The following DCC variants were observed in gnomAD, a reference collection of about 807,000 sequenced individuals.
The protein encoded by DCC is netrin receptor DCC.
Under a neutral mutation model 172.5 loss-of-function variants are expected in DCC, and 58 were observed. The observed-to-expected ratio is 0.34, with a 90% CI of 0.27 to 0.42. The LOEUF is 0.42. Ranked by LOEUF, DCC falls within the 10% of genes least tolerant of loss-of-function variation. The pLI is 1.00. For missense variants in DCC, 1,740 were observed against 1,791.0 expected (o/e 0.97, Z 0.51); for synonymous variants, 709 against 644.5 (o/e 1.10, Z -1.52).
chr18:53,245,708 A>T (rs949074190), intron 12 of DCC, among the ~76,000 whole-genome samples: 3 of 152,118 alleles, frequency 2.0e-5, no homozygotes, highest in African/African-American at 7.2e-5. Context: ...TTTAATAGCA[A>T]AAGATTTAAC....
intron 7 of DCC, among the ~76,000 whole-genome samples, chr18:53,092,470 A>G (rs1381845765): frequency 6.6e-6 from 1 of 152,196 alleles, no homozygotes; most frequent in East Asian, 1.9e-4. Context: ...GCACTCCATC[A>G]TTTATTAAAG....
chr18:52,518,409 T>G (rs2031706309), intron 1 of DCC, among the ~76,000 whole-genome samples: 1 of 152,134 alleles, frequency 6.6e-6, no homozygotes, highest in African/African-American at 2.4e-5. Flanking sequence ...AAGAGAAATA[T>G]AAAAAGGCAT....
chr18:52,588,629 G>A (rs1323716153), intron 1 of DCC, among the ~76,000 whole-genome samples: 1 of 152,148 alleles, frequency 6.6e-6, no homozygotes, highest in Non-Finnish European at 1.5e-5. Flanking sequence ...ACTTTTCTGA[G>A]GGTCAAGGAA....
chr18:53,069,691 A>C (rs563448905), intron 7 of DCC, among the ~76,000 whole-genome samples: 1 of 152,156 alleles, frequency 6.6e-6, no homozygotes, highest in East Asian at 1.9e-4. Flanking sequence ...AGCTGAGAAA[A>C]ACAGTCTTTG....
chr18:53,298,896 G>C (rs2057100443), intron 12 of DCC, among the ~76,000 whole-genome samples: 1 of 152,118 alleles, frequency 6.6e-6, no homozygotes, highest in African/African-American at 2.4e-5. Context: ...AGGAACATTA[G>C]ACCCCACAGT....
At chr18:53,330,555 G>C (rs2057519384) in intron 14 of DCC, among the ~76,000 whole-genome samples, 1 of 152,100 alleles carries the variant, frequency 6.6e-6, no homozygotes, top group Admixed American at 6.6e-5. Flanking sequence ...AGTGTTGTCA[G>C]AGTGATTTTT....
At chr18:53,342,354 T>C (rs1250075357) in intron 15 of DCC, among the ~76,000 whole-genome samples, 1 of 151,994 alleles carries the variant, frequency 6.6e-6, no homozygotes, top group Non-Finnish European at 1.5e-5. Flanking sequence ...ATTTTACTCC[T>C]TTTAGTTCAA....
In DCC at chr18:52,609,891, G is replaced by A. The variant is rs570848631; in HGVS notation, c.92-142163G>A. 4.4e-3 allele frequency among the ~76,000 whole-genome samples: 662 copies of A among 151,978 alleles called. 5 individuals are homozygous for A. Among genetic ancestry groups the A allele is most frequent in the Non-Finnish European group, 7.4e-3 (501 of 67,964 alleles). ...TTCATGGTATGTTGATGATATCACT[G>A]TATAAGGTAGGAGTGACAGCCTTAT... On this transcript the variant is annotated intron_variant, in intron 1 of 28. Transcript: ENST00000442544.
chr18:52,518,518 G>T (rs558309739), intron 1 of DCC, among the ~76,000 whole-genome samples: 1 of 152,316 alleles, frequency 6.6e-6, no homozygotes, highest in African/African-American at 2.4e-5. Context: ...CAATTTACAG[G>T]AAGGTAGTCA....
intron 1 of DCC, among the ~76,000 whole-genome samples, chr18:52,426,648 G>A (rs1987437338): frequency 6.9e-6 from 1 of 144,056 alleles, no homozygotes; most frequent in Non-Finnish European, 1.5e-5. Flanking sequence ...GTTCTGAGAA[G>A]AGAATTAATT....
At chr18:52,900,776 T>C (rs369625286) in intron 2 of DCC, among the ~76,000 whole-genome samples, 4 of 152,210 alleles carry the variant, frequency 2.6e-5, no homozygotes, top group African/African-American at 9.6e-5. Context: ...GGTGTTCCTG[T>C]ATTTAAAGCT....
intron 1 of DCC, among the ~76,000 whole-genome samples, chr18:52,347,101 T>A (rs1983912078): frequency 6.6e-6 from 1 of 152,216 alleles, no homozygotes; most frequent in Non-Finnish European, 1.5e-5. Flanking sequence ...TAACTGAATC[T>A]TTAGGATGTT....
chr18:52,819,463 TTATTA>T (rs777415801), intron 2 of DCC, among the ~76,000 whole-genome samples: 7 of 152,200 alleles, frequency 4.6e-5, no homozygotes, highest in Non-Finnish European at 8.8e-5. Flanking sequence ...TATTTTAAGT[TTATTA>T]TATTTTTATT....
intron 2 of DCC, among the ~76,000 whole-genome samples, chr18:52,797,429 T>C (rs1002434653): frequency 1.3e-5 from 2 of 152,226 alleles, no homozygotes; most frequent in Non-Finnish European, 2.9e-5. Flanking sequence ...CCTACAGATG[T>C]ATTATAGTAT....
chr18:53,527,090 C>CGT (rs200516080), intron 28 of DCC: 6,738 of 204,684 alleles, frequency 0.033, 151 homozygotes, highest in Non-Finnish European at 0.038. Context: ...CACATGGATA[C>CGT]GTGTGTGTGT....
At chr18:52,630,314 G>C (rs1021128240) in intron 1 of DCC, among the ~76,000 whole-genome samples, 2 of 152,100 alleles carry the variant, frequency 1.3e-5, no homozygotes, top group Non-Finnish European at 2.9e-5. Context: ...ATGAATTCTG[G>C]GGATCGAATT....
intron 12 of DCC, among the ~76,000 whole-genome samples, chr18:53,290,225 G>A (rs942029103): frequency 6.6e-6 from 1 of 152,152 alleles, no homozygotes; most frequent in Non-Finnish European, 1.5e-5. Flanking sequence ...TCCCTGGTAG[G>A]AATATTTGTT....
chr18:52,594,201 T>C (rs2033861643), intron 1 of DCC, among the ~76,000 whole-genome samples: 2 of 152,216 alleles, frequency 1.3e-5, no homozygotes, highest in African/African-American at 4.8e-5. Flanking sequence ...AACTTGTGCC[T>C]TCTGGGTGCT....
chr18:52,678,983 C>T (rs1004015191), intron 1 of DCC, among the ~76,000 whole-genome samples: 1 of 151,914 alleles, frequency 6.6e-6, no homozygotes, highest in Non-Finnish European at 1.5e-5. Context: ...CTGTTACCTG[C>T]TTGATTGCAT....
Sources: gnomAD v4.1 joint callset for allele counts (sites outside exome capture counted in the v4.1 genomes callset) on GRCh38, gnomAD v4.1.1 for gene constraint, MANE v1.5 for transcripts, NCBI Gene and HGNC (gene_info 2026-07-23, HGNC 2026-07-21) for gene names.